The following METTL22 variants were observed in gnomAD, a reference collection of about 807,000 sequenced individuals.
METTL22 encodes methyltransferase-like protein 22.
Under a neutral mutation model 48.4 loss-of-function variants are expected in METTL22, and 51 were observed. That is an observed-to-expected ratio of 1.05 (90% CI 0.84 to 1.33). The LOEUF (loss-of-function observed/expected upper bound fraction) is 1.33. Among genes scored for constraint, METTL22 ranks in the 40% most tolerant of loss-of-function variants. METTL22 has a pLI of 0.00. For synonymous variants in METTL22, 255 were observed against 214.1 expected (o/e 1.19, Z -1.67); for missense variants, 678 against 526.9 (o/e 1.29, Z -2.81).
downstream of METTL22, among the ~76,000 whole-genome samples, chr16:8,653,131 G>A (rs962480620): frequency 6.6e-6 from 1 of 152,192 alleles, no homozygotes; most frequent in African/African-American, 2.4e-5. Context: ...CTTCCAGACT[G>A]TGCTGTTTCT....
intron 5 of METTL22, among the ~76,000 whole-genome samples, chr16:8,637,408 G>T (rs898101050): frequency 2.0e-5 from 3 of 151,872 alleles, no homozygotes. Flanking sequence ...AGACTATAAA[G>T]AAGTCTTATC....
the METTL22 span, among the ~76,000 whole-genome samples, chr16:8,655,978 C>A: frequency 6.6e-6 from 1 of 152,228 alleles, no homozygotes; most frequent in Admixed American, 6.5e-5. Flanking sequence ...CCATGCCCTC[C>A]ACCAAGGTAA....
At position 8,638,746 on chromosome 16, in the gene METTL22, G is replaced by A. The variant is rs2056499888; in HGVS notation, c.701-345G>A. 3.9e-5 allele frequency among the ~76,000 whole-genome samples: 6 copies of A among 152,160 alleles called. No individual in the cohort carries two copies. The South Asian group carries it at 1.2e-3, about 32-fold the overall frequency. On this transcript the variant is annotated intron_variant, in intron 5 of 10. Transcript: ENST00000381920. ...GCTCAAGTCACTTAATCCGTGAAAT[G>A]GGATTCATGATCCCAGCTCCTGTGT...
chr16:8,660,017 C>T, the METTL22 span, among the ~76,000 whole-genome samples: 2 of 152,086 alleles, frequency 1.3e-5, no homozygotes, highest in East Asian at 1.9e-4. Context: ...TGAGCCACCA[C>T]ATCTGGCCAC....
At chr16:8,652,863 C>G (rs1192925228), downstream of METTL22, among the ~76,000 whole-genome samples, 7 of 152,088 alleles carry the variant, frequency 4.6e-5, no homozygotes, top group African/African-American at 1.7e-4. Context: ...AGCCATGTGT[C>G]CCCTGAATGG....
At chr16:8,643,007 C>T (rs1190233155) in intron 9 of METTL22, 1 of 190,528 alleles carries the variant, frequency 5.2e-6, no homozygotes, top group Non-Finnish European at 1.1e-5. Context: ...CCAACAGCCT[C>T]ACCCAGACAT....
chr16:8,638,610 G>A (rs546019126), intron 5 of METTL22, among the ~76,000 whole-genome samples: 8 of 152,200 alleles, frequency 5.3e-5, no homozygotes, highest in South Asian at 2.1e-4. Flanking sequence ...CCTTCTGACC[G>A]GAAAACTGGT....
At chr16:8,660,795 A>C in the METTL22 span, among the ~76,000 whole-genome samples, 4 of 972 alleles carry the variant, frequency 4.1e-3, no homozygotes, top group Admixed American at 0.019. Flanking sequence ...GAGGAGGAGG[A>C]GGAGGAGGAG....
chr16:8,664,355 A>G, the METTL22 span, among the ~76,000 whole-genome samples: 2 of 152,170 alleles, frequency 1.3e-5, no homozygotes, highest in African/African-American at 2.4e-5. Context: ...CATGTTGGCC[A>G]GGCTGGTCTC....
At chr16:8,635,775 CT>C (rs1370371801) in intron 5 of METTL22, among the ~76,000 whole-genome samples, 1 of 152,174 alleles carries the variant, frequency 6.6e-6, no homozygotes, top group Non-Finnish European at 1.5e-5. Context: ...CAATATGCAA[CT>C]TATGGGTCAC....
chr16:8,631,479 C>T (rs1375897718), intron 3 of METTL22: 2 of 152,166 alleles, frequency 1.3e-5, no homozygotes, highest in Non-Finnish European at 2.9e-5. Flanking sequence ...CTTGTCTGTA[C>T]AAGGGGTACA....
chr16:8,628,262 G>A (rs1277051523), intron 2 of METTL22, among the ~76,000 whole-genome samples: 1 of 152,174 alleles, frequency 6.6e-6, no homozygotes, highest in African/African-American at 2.4e-5. Flanking sequence ...CACCTGGCAT[G>A]GTACTTGGCA....
rs115811334 is a variant in METTL22 at position 8,644,448 on chromosome 16, G to A, written c.1011-109G>A. 1.6e-3 allele frequency: 1,821 copies of A among 1,147,426 alleles called. 26 individuals carry two copies. The African/African-American group carries it at 0.024, about 15-fold the overall frequency. 71.1% of individuals were successfully genotyped at this position (1,147,426 alleles called of 1,614,324 possible). ...TGAGACAGGCGCTCAGTAAAAGCCC[G>A]TCCAGGGGATATGAGATCAGTGAGG... is the stretch of plus-strand genomic sequence containing the variant. On this transcript the variant is annotated intron_variant, in intron 9 of 10. Transcript: ENST00000381920.
At chr16:8,632,901 A>G (rs1278517026) in intron 3 of METTL22, among the ~76,000 whole-genome samples, 1 of 152,186 alleles carries the variant, frequency 6.6e-6, no homozygotes, top group Non-Finnish European at 1.5e-5. Context: ...ACTTACGTCC[A>G]CGAGACCCCT....
intron 3 of METTL22, chr16:8,631,662 C>G (rs1055113743): frequency 4.6e-5 from 7 of 152,168 alleles, no homozygotes; most frequent in African/African-American, 1.7e-4. Flanking sequence ...GTCTAGAGAC[C>G]CAGTTTGCAA....
At chr16:8,662,301 C>G in the METTL22 span, among the ~76,000 whole-genome samples, 2 of 145,458 alleles carry the variant, frequency 1.4e-5, no homozygotes. Flanking sequence ...TTCTGTCTTT[C>G]CATTGGAAAC....
chr16:8,661,045 T>C, the METTL22 span, among the ~76,000 whole-genome samples: 1 of 152,176 alleles, frequency 6.6e-6, no homozygotes, highest in East Asian at 1.9e-4. Context: ...GGATGTCATG[T>C]TCTCCTCCCC....
Position 8,625,601 on chromosome 16 carries a change from C to G in METTL22, c.-65C>G. On this transcript the variant is annotated 5_prime_UTR_variant, in exon 2 of 11. Transcript: ENST00000381920. ...CTGCAGTATCTCCTCTGGGACCTGC[C>G]ATGCTGAGGACCCATTCTCACCTCT... 6.4e-7 allele frequency: 1 copy of G among 1,569,736 alleles called. No homozygotes were observed. Among genetic ancestry groups the G allele is most frequent in the African/African-American group, 1.3e-5 (1 of 74,302 alleles).
rs371922604 is a variant in METTL22 at position 8,635,249 on chromosome 16, G to A, written c.637G>A (p.Gly213Arg). 141 of 1,609,152 alleles carry A rather than the reference G, an allele frequency of 8.8e-5. No homozygotes were observed. The highest frequency in any genetic ancestry group is 1.7e-4 in the Middle Eastern group (1 of 5,912). Reference sequence around the variant, plus strand: ...CCGAGGATGTACAGCGCTGGAGCTCGGGGCCGGCACGGGGCTCGCTAGCAT... The same window carrying A: ...CCGAGGATGTACAGCGCTGGAGCTCAGGGCCGGCACGGGGCTCGCTAGCAT... ...LFRGCTALEL[G>R]AGTGLASIIA... is the part of the protein sequence containing the mutation. Residue 213 changes from glycine to arginine, a missense_variant, in exon 5 of 11, where the codon GGG (glycine) becomes AGG (arginine). By Grantham distance (125) the Gly-to-Arg change is moderately radical (BLOSUM62 -2). Coordinates refer to ENST00000381920, the MANE Select transcript of METTL22 (RefSeq NM_024109.4).
Sources: allele counts gnomAD v4.1 joint callset (sites outside exome capture counted in the v4.1 genomes callset), GRCh38; gene constraint gnomAD v4.1.1; transcripts MANE v1.5; gene names NCBI Gene and HGNC (gene_info 2026-07-23, HGNC 2026-07-21).